XYLT1: variants seen among roughly 807,000 people sequenced by gnomAD.
XYLT1 encodes the protein beta-D-xylosyltransferase 1.
In XYLT1, 36 loss-of-function variants were observed where a neutral mutation model predicts 91.3. The ratio of observed to expected loss-of-function variants is 0.39; its 90% CI spans 0.30 to 0.52. XYLT1 has a LOEUF of 0.52. XYLT1 is among the 20% of genes least tolerant of loss of function. The pLI, the probability that XYLT1 is intolerant of heterozygous loss-of-function variation, is 0.68. For missense variants in XYLT1, 1,242 were observed against 1,284.5 expected, an observed-to-expected ratio of 0.97 and a Z score of 0.51; for synonymous variants, 588 against 532.0, an observed-to-expected ratio of 1.11 and a Z score of -1.45.
At chr16:17,187,882 C>T (rs1392068840) in intron 5 of XYLT1, among the ~76,000 whole-genome samples, 2 of 152,120 alleles carry the variant, frequency 1.3e-5, no homozygotes, top group Admixed American at 6.6e-5. Context: ...CCTCTGGCTG[C>T]GCCCCTGTTG....
At chr16:17,393,292 C>G (rs188453738) in intron 1 of XYLT1, among the ~76,000 whole-genome samples, 1 of 152,278 alleles carries the variant, frequency 6.6e-6, no homozygotes, top group Admixed American at 6.5e-5. Flanking sequence ...GACGGCATAC[C>G]TCAATGTGTT....
At chr16:17,134,372 G>T in intron 9 of XYLT1, 101 bp downstream of exon 9, 2 of 1,457,638 alleles carry the variant, frequency 1.4e-6, no homozygotes, top group Non-Finnish European at 1.9e-6. Context: ...GGGTGGCATT[G>T]CATTGCAGAT....
Position 17,138,403 on chromosome 16 carries a change from G to A in XYLT1, c.1716C>T (p.Cys572=), listed in dbSNP as rs765001631. 84 of 1,614,110 alleles carry A rather than the reference G, an allele frequency of 5.2e-5. No individual in the cohort carries two copies. The highest frequency in any genetic ancestry group is 9.3e-5 in the African/African-American group (7 of 75,040). ...GCTTGAAGTCATTGGGGGAGCAGCC[G>A]CACCAGTCCACGATGTGCTTGTACT... is the stretch of plus-strand genomic sequence containing the variant. ...KCQYKHIVDW[C]GCSPNDFKPQ... Residue 572 remains cysteine (C), a synonymous_variant, in exon 8 of 12, where the codon TGC becomes TGT. Coordinates refer to ENST00000261381, the MANE Select transcript of XYLT1 (RefSeq NM_022166.4).
At chr16:17,310,202 C>CT (rs1052341332) in intron 2 of XYLT1, among the ~76,000 whole-genome samples, 84 of 152,330 alleles carry the variant, frequency 5.5e-4, no homozygotes, top group African/African-American at 1.9e-3. Flanking sequence ...CCTCTTGCTT[C>CT]TGGGCAGTAT....
chr16:17,155,199 G>A lies in XYLT1; in HGVS notation c.1370+3630C>T, dbSNP rs1597156232. Among the ~76,000 whole-genome samples the A allele has an allele frequency of 2.0e-5, 3 of 152,226 alleles. No individual in the cohort carries two copies. The South Asian group carries it at 6.2e-4, about 32-fold the overall frequency. On this transcript the variant is annotated intron_variant, in intron 6 of 11. Coordinates refer to ENST00000261381, the MANE Select transcript of XYLT1 (RefSeq NM_022166.4). ...ACTCACTTGGGTGTGAGTCCTCCCC[G>A]CTGCCCTAGTGCTGTGAGTTTGAGC...
At chr16:17,390,795 G>A (rs1041749018) in intron 1 of XYLT1, among the ~76,000 whole-genome samples, 1 of 152,278 alleles carries the variant, frequency 6.6e-6, no homozygotes, top group Middle Eastern at 3.4e-3. Flanking sequence ...CAACACTTTG[G>A]GAGCCTGAGA....
chr16:17,220,342 T>C (rs900960224), intron 3 of XYLT1, among the ~76,000 whole-genome samples: 5 of 152,042 alleles, frequency 3.3e-5, no homozygotes, highest in Admixed American at 6.6e-5. Flanking sequence ...ACAATTGAAA[T>C]CTGAGCAAGC....
At chr16:17,219,579 G>C (rs1027436962) in intron 3 of XYLT1, among the ~76,000 whole-genome samples, 2 of 152,172 alleles carry the variant, frequency 1.3e-5, no homozygotes, top group African/African-American at 4.8e-5. Flanking sequence ...GAGAGACCCT[G>C]ATTTCTCAAC....
chr16:17,318,105 G>A (rs190264730), intron 2 of XYLT1, among the ~76,000 whole-genome samples: 140 of 152,300 alleles, frequency 9.2e-4, no homozygotes, highest in African/African-American at 3.2e-3. Flanking sequence ...GCTAAGGTCG[G>A]TGAAGCTGAG....
rs79905357 is a variant in XYLT1 at position 17,440,268 on chromosome 16, A to G, written c.363+30166T>C. ...GTCAACATGAATGCAGAATGAACTG[A>G]TAACCTTCATAACATTTTCTAATTA... On this transcript the variant is annotated intron_variant, in intron 1 of 11. Transcript: ENST00000261381. Among the ~76,000 whole-genome samples the G allele has an allele frequency of 7.5e-3, 1,141 of 152,366 alleles. 7 individuals are homozygous for G. The highest frequency in any genetic ancestry group is 0.02 in the Middle Eastern group (6 of 294).
At chr16:17,112,252 G>T (rs546786660) in intron 11 of XYLT1, among the ~76,000 whole-genome samples, 4 of 152,078 alleles carry the variant, frequency 2.6e-5, no homozygotes, top group Non-Finnish European at 5.9e-5. Flanking sequence ...TACCAGGGAC[G>T]CATCAATAGA....
chr16:17,228,303 T>C (rs931737390), intron 3 of XYLT1, among the ~76,000 whole-genome samples: 11 of 152,266 alleles, frequency 7.2e-5, no homozygotes, highest in African/African-American at 2.2e-4. Context: ...AATAATCCCC[T>C]GCACATTTCA....
chr16:17,252,340 T>C (rs766934396), intron 3 of XYLT1, among the ~76,000 whole-genome samples: 13 of 152,164 alleles, frequency 8.5e-5, no homozygotes, highest in Non-Finnish European at 1.9e-4. Flanking sequence ...TTAAACCCCA[T>C]TGCCCAAGCT....
intron 1 of XYLT1, among the ~76,000 whole-genome samples, chr16:17,401,543 C>T (rs1443082623): frequency 6.6e-6 from 1 of 152,034 alleles, no homozygotes; most frequent in African/African-American, 2.4e-5. Flanking sequence ...TCTATGTTCC[C>T]GGGCAGGTAA....
chr16:17,179,547 A>G (rs891319873), intron 5 of XYLT1, among the ~76,000 whole-genome samples: 2 of 152,148 alleles, frequency 1.3e-5, no homozygotes, highest in East Asian at 3.9e-4. Flanking sequence ...TCTACCTGAT[A>G]TATGACCCGC....
intron 2 of XYLT1, among the ~76,000 whole-genome samples, chr16:17,320,613 A>G (rs1012932395): frequency 4.0e-5 from 6 of 150,190 alleles, no homozygotes; most frequent in Non-Finnish European, 5.9e-5. Flanking sequence ...CCAAGTAGCT[A>G]GGACTACAGG....
At chr16:17,230,805 C>T (rs2033146309) in intron 3 of XYLT1, among the ~76,000 whole-genome samples, 1 of 152,170 alleles carries the variant, frequency 6.6e-6, no homozygotes, top group Non-Finnish European at 1.5e-5. Context: ...CTCAGTGGCC[C>T]TCAACTGGAA....
At chr16:17,390,227 G>A (rs1406777012) in intron 1 of XYLT1, among the ~76,000 whole-genome samples, 1 of 152,132 alleles carries the variant, frequency 6.6e-6, no homozygotes, top group Non-Finnish European at 1.5e-5. Context: ...AACCAAAAGA[G>A]AACAAATTCC....
chr16:17,150,487 A>G (rs1427363324), intron 6 of XYLT1, among the ~76,000 whole-genome samples: 1 of 152,242 alleles, frequency 6.6e-6, no homozygotes, highest in African/African-American at 2.4e-5. Flanking sequence ...AATAACAGCT[A>G]CCATTTATTG....
Sources: allele counts gnomAD v4.1 joint callset (sites outside exome capture counted in the v4.1 genomes callset), GRCh38; gene constraint gnomAD v4.1.1; transcripts MANE v1.5; gene names NCBI Gene and HGNC (gene_info 2026-07-23, HGNC 2026-07-21).